ARMC2: variants seen among roughly 807,000 people sequenced by gnomAD.
ARMC2 encodes the protein armadillo repeat containing 2.
ARMC2 carries 67 observed loss-of-function variants against 90.3 expected under a neutral mutation model. The ratio of observed to expected loss-of-function variants is 0.74; its 90% CI spans 0.61 to 0.91. The LOEUF (loss-of-function observed/expected upper bound fraction) is 0.91. Ranked by LOEUF, ARMC2 falls within the 40% of genes least tolerant of loss-of-function variation. The pLI, the probability that ARMC2 is intolerant of heterozygous loss-of-function variation, is 0.00. For missense variants in ARMC2, 920 were observed against 1,030.9 expected, an observed-to-expected ratio of 0.89 and a Z score of 1.47; for synonymous variants, 393 against 393.0, an observed-to-expected ratio of 1.00 and a Z score of 0.00.
chr6:108,943,209 C>T (rs1464753018), intron 12 of ARMC2, among the ~76,000 whole-genome samples: 1 of 152,092 alleles, frequency 6.6e-6, no homozygotes, highest in Non-Finnish European at 1.5e-5. Flanking sequence ...TTCTTTTTCT[C>T]TTGTCAAGGT....
In ARMC2 at chr6:108,916,592, C is replaced by A. The variant is rs575979919; in HGVS notation, c.1350+4034C>A. On this transcript the variant is annotated intron_variant, in intron 10 of 17. Transcript: ENST00000392644. ...AGAACACTAGAATTTAGGGTGAGCT[C>A]CCTGGAACTTGGAAAAACAGAAATA... Among the ~76,000 whole-genome samples the A allele has an allele frequency of 5.9e-5, 9 of 152,260 alleles. No homozygotes were observed. In the East Asian group the frequency reaches 1.5e-3, roughly 26 times the overall value.
chr6:108,938,273 ATC>A (rs918475077), intron 12 of ARMC2, among the ~76,000 whole-genome samples: 1 of 152,108 alleles, frequency 6.6e-6, no homozygotes, highest in African/African-American at 2.4e-5. Flanking sequence ...CCAAAACATA[ATC>A]TCTGTTTGTT....
At chr6:109,039,559 G>A in the ARMC2 span, among the ~76,000 whole-genome samples, 2 of 152,200 alleles carry the variant, frequency 1.3e-5, no homozygotes, top group Non-Finnish European at 2.9e-5. Context: ...AGCAAGCACT[G>A]GCTATCTTTA....
rs116715195 is a variant in ARMC2, at chr6:108,879,266, G to A, written c.671+2916G>A. On this transcript the variant is annotated intron_variant, in intron 5 of 17. Transcript: ENST00000392644. Reference sequence around the variant, plus strand: ...CACCCATTCACCCATCCATCCACCTGTCTACCCATCCATTCATCCATCCAT... The same window carrying A: ...CACCCATTCACCCATCCATCCACCTATCTACCCATCCATTCATCCATCCAT... Among the ~76,000 whole-genome samples, 634 of 139,694 alleles carry A rather than the reference G, an allele frequency of 4.5e-3. 3 individuals carry two copies. Among genetic ancestry groups the A allele is most frequent in the African/African-American group, 0.016 (594 of 36,716 alleles). The allele number at this position is 139,694 out of a possible 152,430, so 91.6% of individuals were successfully genotyped here. A position where few individuals can be genotyped will look rare whatever the true frequency, so the allele number is the denominator to read the frequency against.
At chr6:108,860,722 G>A (rs1775148101) in intron 3 of ARMC2, among the ~76,000 whole-genome samples, 1 of 151,630 alleles carries the variant, frequency 6.6e-6, no homozygotes, top group South Asian at 2.1e-4. Flanking sequence ...ACCTATAGGT[G>A]GTATCTACCC....
chr6:108,978,593 GGT>G, downstream of ARMC2, among the ~76,000 whole-genome samples: 1 of 152,250 alleles, frequency 6.6e-6, no homozygotes, highest in East Asian at 1.9e-4. Flanking sequence ...CTGAAAGTGG[GGT>G]GTTAAAGTCT....
chr6:108,966,292 C>T (rs977357618), intron 17 of ARMC2, among the ~76,000 whole-genome samples: 2 of 151,824 alleles, frequency 1.3e-5, no homozygotes, highest in Non-Finnish European at 2.9e-5. Flanking sequence ...CAGACTCACC[C>T]GTGGAACTTT....
At chr6:108,917,873 T>A (rs1035057598) in intron 10 of ARMC2, among the ~76,000 whole-genome samples, 4 of 151,890 alleles carry the variant, frequency 2.6e-5, no homozygotes, top group Non-Finnish European at 5.9e-5. Flanking sequence ...TAGAGATGGG[T>A]TTTCACCATG....
chr6:108,873,266 A>G (rs1021397021), intron 4 of ARMC2, among the ~76,000 whole-genome samples: 4 of 151,996 alleles, frequency 2.6e-5, no homozygotes, highest in African/African-American at 9.7e-5. Context: ...AAATACAAAA[A>G]CCGTTCTTAG....
At chr6:108,985,619 A>ATAAG in the ARMC2 span, among the ~76,000 whole-genome samples, 2 of 152,246 alleles carry the variant, frequency 1.3e-5, no homozygotes, top group Admixed American at 6.5e-5. Flanking sequence ...CTAAGTGATT[A>ATAAG]TAAGTTCCAG....
intron 12 of ARMC2, 44 bp from the exon 13 acceptor site, chr6:108,952,989 C>G (rs1306025248): frequency 6.6e-6 from 10 of 1,515,782 alleles, no homozygotes; most frequent in Non-Finnish European, 8.1e-6. Context: ...ACGATGTGTT[C>G]CAGCCCCCTT....
the ARMC2 span, among the ~76,000 whole-genome samples, chr6:109,015,586 T>C: frequency 2.1e-4 from 32 of 152,330 alleles, no homozygotes; most frequent in Middle Eastern, 3.4e-3. Context: ...TTACAATGTT[T>C]AGAGGCTACT....
intron 5 of ARMC2, chr6:108,880,205 G>C: frequency 3.1e-6 from 1 of 326,812 alleles, no homozygotes; most frequent in South Asian, 2.5e-5. Flanking sequence ...TTGTTGGTCT[G>C]TCTAGCAAAC....
chr6:108,880,594 A>G (rs988739584), intron 5 of ARMC2, among the ~76,000 whole-genome samples: 5 of 152,254 alleles, frequency 3.3e-5, no homozygotes, highest in African/African-American at 1.2e-4. Flanking sequence ...AGGATGACAT[A>G]TAAACCTCTA....
rs61731702 is a variant in ARMC2 at position 108,953,074 on chromosome 6, G to C, written c.1638G>C (p.Thr546=). The C allele has an allele frequency of 1.7e-4, 282 of 1,613,210 alleles. No homozygotes were observed. In the African/African-American group the frequency reaches 3.5e-3, roughly 20 times the overall value. ...TTGTTTTTATTCTTGGCAACCTGAC[G>C]GCAAAAAATAACCAGGCTCGTGAAC... The part of the protein sequence containing the change: ...VRVVFILGNL[T]AKNNQAREQF... Residue 546 remains threonine (T), a synonymous_variant, in exon 13 of 18, where the codon ACG becomes ACC. Transcript: ENST00000392644.
chr6:108,869,057 AAAG>A, intron 4 of ARMC2, 62 bp downstream of exon 4: 1 of 1,486,872 alleles, frequency 6.7e-7, no homozygotes, highest in East Asian at 2.4e-5. Context: ...TTTGCACACA[AAAG>A]CTAATTTTAT....
the ARMC2 span, among the ~76,000 whole-genome samples, chr6:109,013,236 G>A: frequency 6.6e-6 from 1 of 152,200 alleles, no homozygotes; most frequent in Non-Finnish European, 1.5e-5. Context: ...TGTCAGCTAA[G>A]GTTTGGAAAA....
the ARMC2 span, among the ~76,000 whole-genome samples, chr6:109,017,222 A>T: frequency 6.6e-6 from 1 of 152,218 alleles, no homozygotes; most frequent in Non-Finnish European, 1.5e-5. Flanking sequence ...TTAACAGAAA[A>T]CTTGATACTA....
chr6:108,876,370 A>G lies in ARMC2; in HGVS notation c.671+20A>G. Reference sequence around the variant, plus strand: ...TGGAGGGTCAGTATTCTTTTTATTTAATTTTCTGGTCAGGATAATGGTATC... The same window carrying G: ...TGGAGGGTCAGTATTCTTTTTATTTGATTTTCTGGTCAGGATAATGGTATC... On this transcript the variant is annotated intron_variant, in intron 5 of 17. Transcript: ENST00000392644. 1.3e-6 allele frequency: 2 copies of G among 1,596,232 alleles called. No homozygotes were observed. The highest frequency in any genetic ancestry group is 1.7e-6 in the Non-Finnish European group (2 of 1,167,802).
Sources: gnomAD v4.1 joint callset for allele counts (sites outside exome capture counted in the v4.1 genomes callset) on GRCh38, gnomAD v4.1.1 for gene constraint, MANE v1.5 for transcripts, NCBI Gene and HGNC (gene_info 2026-07-23, HGNC 2026-07-21) for gene names.